The following NVL variants were observed in gnomAD, a reference collection of about 807,000 sequenced individuals.
The protein encoded by NVL is nuclear VCP like.
Under a neutral mutation model 110.2 loss-of-function variants are expected in NVL, and 84 were observed. The observed-to-expected ratio is 0.76, with a 90% CI of 0.64 to 0.91. The LOEUF (loss-of-function observed/expected upper bound fraction) is 0.91. Among genes scored for constraint, NVL ranks in the 40% least tolerant of loss-of-function variants. The probability of loss-of-function intolerance (pLI) is 0.00; values close to 1 mark genes in which losing one functional copy is unlikely to be tolerated. For missense variants in NVL, 882 were observed against 1,035.9 expected (o/e 0.85, Z 2.04); for synonymous variants, 354 against 361.1 (o/e 0.98, Z 0.22).
At chr1:224,307,547 TAA>T (rs1230428807) in intron 6 of NVL, among the ~76,000 whole-genome samples, 3 of 151,828 alleles carry the variant, frequency 2.0e-5, no homozygotes, top group African/African-American at 4.8e-5. Context: ...AGAAAAGATA[TAA>T]GTTAGCTAGG....
At chr1:224,251,618 C>T (rs528604543) in intron 18 of NVL, among the ~76,000 whole-genome samples, 3 of 152,064 alleles carry the variant, frequency 2.0e-5, no homozygotes, top group African/African-American at 4.8e-5. Flanking sequence ...CCAGCCTGGG[C>T]GACAGAGCAA....
chr1:224,234,475 T>A (rs1660249635), intron 20 of NVL, among the ~76,000 whole-genome samples: 1 of 151,866 alleles, frequency 6.6e-6, no homozygotes, highest in South Asian at 2.1e-4. Flanking sequence ...TTTTTTGAGA[T>A]GGAGTCTTGC....
chr1:224,324,368 GC>G (rs1397244346), intron 2 of NVL, among the ~76,000 whole-genome samples: 1 of 152,114 alleles, frequency 6.6e-6, no homozygotes, highest in African/African-American at 2.4e-5. Flanking sequence ...GAGGAATTTT[GC>G]CCCAGGATAA....
chr1:224,303,869 T>C lies in NVL; in HGVS notation c.826-12A>G. On this transcript the variant is annotated splice_polypyrimidine_tract_variant and intron_variant, in intron 8 of 22. Transcript: ENST00000281701. Reference sequence around the variant, plus strand: ...ATCTTGCAGACCTCCTAGCAGAGGATAAGCACAAAGATGTCTTTCAAGACA... The same window carrying C: ...ATCTTGCAGACCTCCTAGCAGAGGACAAGCACAAAGATGTCTTTCAAGACA... The C allele has an allele frequency of 2.5e-6, 4 of 1,599,700 alleles. No individual in the cohort carries two copies. Among genetic ancestry groups the C allele is most frequent in the Non-Finnish European group, 3.4e-6 (4 of 1,172,972 alleles).
chr1:224,251,954 G>A lies in NVL; in HGVS notation c.2183-1636C>T, dbSNP rs574503220. Reference sequence around the variant, plus strand: ...CTAGTGTTATTGTCCTAAAATACACGTCCAATTCTCTCAAATTCCGCTCCC... The same window carrying A: ...CTAGTGTTATTGTCCTAAAATACACATCCAATTCTCTCAAATTCCGCTCCC... On this transcript the variant is annotated intron_variant, in intron 18 of 22. Transcript: ENST00000281701. 5.9e-5 allele frequency among the ~76,000 whole-genome samples: 9 copies of A among 152,174 alleles called. No homozygotes were observed. The East Asian group carries it at 7.7e-4, about 13-fold the overall frequency.
intron 22 of NVL, among the ~76,000 whole-genome samples, chr1:224,228,950 A>G (rs1375651332): frequency 1.3e-5 from 2 of 148,926 alleles, no homozygotes; most frequent in Admixed American, 1.3e-4. Context: ...AAAAAAAGAA[A>G]TTGCCAGAAT....
intron 18 of NVL, chr1:224,257,030 G>T (rs770476742): frequency 1.7e-5 from 9 of 525,542 alleles, no homozygotes; most frequent in Non-Finnish European, 3.1e-5. Flanking sequence ...GTCAGAGACA[G>T]AATTCTTTTT....
intron 1 of NVL, 132 bp downstream of exon 1, chr1:224,329,939 C>CT: frequency 1.1e-6 from 1 of 869,916 alleles, no homozygotes; most frequent in Non-Finnish European, 1.8e-6. Flanking sequence ...GAGAAACAGA[C>CT]GCACGCCCAG....
At chr1:224,278,315 CT>C (rs1231267553) in intron 16 of NVL, among the ~76,000 whole-genome samples, 1 of 149,910 alleles carries the variant, frequency 6.7e-6, no homozygotes, top group Non-Finnish European at 1.5e-5. Context: ...CACCGTTAAC[CT>C]CCACCTCCTG....
At chr1:224,289,449 A>C in intron 13 of NVL, 35 bp downstream of exon 13, 1 of 1,607,920 alleles carries the variant, frequency 6.2e-7, no homozygotes, top group Non-Finnish European at 8.5e-7. Context: ...AAAGAACATT[A>C]AAAGGACAAT....
chr1:224,280,698 A>G (rs577336029), intron 16 of NVL, among the ~76,000 whole-genome samples: 2 of 152,358 alleles, frequency 1.3e-5, no homozygotes, highest in South Asian at 4.1e-4. Flanking sequence ...AGAGAGGGAC[A>G]AAAAATAAAT....
intron 20 of NVL, among the ~76,000 whole-genome samples, chr1:224,235,738 G>A (rs1660391049): frequency 6.6e-6 from 1 of 152,026 alleles, no homozygotes; most frequent in Non-Finnish European, 1.5e-5. Flanking sequence ...TGACAAGACT[G>A]GGCAATATGG....
chr1:224,276,902 T>G (rs1034854579), intron 16 of NVL, among the ~76,000 whole-genome samples: 2 of 149,128 alleles, frequency 1.3e-5, no homozygotes, highest in African/African-American at 5.0e-5. Context: ...TCCTGATACT[T>G]TCTGGACTTT....
intron 21 of NVL, 38 bp from the exon 22 acceptor site, chr1:224,231,334 C>A: frequency 6.6e-7 from 1 of 1,513,164 alleles, no homozygotes; most frequent in South Asian, 1.1e-5. Flanking sequence ...ATCTCAGTAT[C>A]GTATGGTAAC....
intron 15 of NVL, among the ~76,000 whole-genome samples, chr1:224,282,043 C>T (rs1395149046): frequency 6.8e-6 from 1 of 147,266 alleles, no homozygotes; most frequent in Non-Finnish European, 1.5e-5. Flanking sequence ...TGTTAACGTA[C>T]AACTTTTTTT....
chr1:224,292,108 C>A (rs1042949660), intron 12 of NVL, among the ~76,000 whole-genome samples: 3 of 152,146 alleles, frequency 2.0e-5, no homozygotes, highest in African/African-American at 7.2e-5. Flanking sequence ...ACAATTTATA[C>A]GGGTTTCCTT....
At chr1:224,267,443 T>G (rs1664600987) in intron 18 of NVL, among the ~76,000 whole-genome samples, 1 of 151,984 alleles carries the variant, frequency 6.6e-6, no homozygotes, top group Non-Finnish European at 1.5e-5. Context: ...ATCCTAGCAC[T>G]TTGGGAGGCC....
chr1:224,277,786 T>A (rs1262870480), intron 16 of NVL, among the ~76,000 whole-genome samples: 1 of 152,204 alleles, frequency 6.6e-6, no homozygotes, highest in Non-Finnish European at 1.5e-5. Context: ...AATGACCTTC[T>A]AATTACCAAA....
chr1:224,308,759 C>T (rs888410257), intron 5 of NVL, among the ~76,000 whole-genome samples: 5 of 147,722 alleles, frequency 3.4e-5, no homozygotes, highest in Non-Finnish European at 6.0e-5. Context: ...CAAGCATTTA[C>T]TATTCAAAAA....
Sources: gnomAD v4.1 joint callset for allele counts (sites outside exome capture counted in the v4.1 genomes callset) on GRCh38, gnomAD v4.1.1 for gene constraint, MANE v1.5 for transcripts, NCBI Gene and HGNC (gene_info 2026-07-23, HGNC 2026-07-21) for gene names.